Variants in CDH4 observed in about 807,000 individuals in gnomAD.
The protein encoded by CDH4 is cadherin 4, also known as cadherin-4.
CDH4 carries 33 observed loss-of-function variants against 86.0 expected under a neutral mutation model. The observed-to-expected ratio is 0.38, with a 90% CI of 0.29 to 0.51. The LOEUF is 0.51. CDH4 is among the 20% of genes least tolerant of loss of function. The probability of loss-of-function intolerance (pLI) is 0.86; values close to 1 mark genes in which losing one functional copy is unlikely to be tolerated. For missense variants in CDH4, 1,114 were observed against 1,307.4 expected, an observed-to-expected ratio of 0.85 and a Z score of 2.28; for synonymous variants, 555 against 549.4, an observed-to-expected ratio of 1.01 and a Z score of -0.14.
intron 2 of CDH4, among the ~76,000 whole-genome samples, chr20:61,690,647 G>A (rs894270789): frequency 6.6e-6 from 1 of 152,142 alleles, no homozygotes; most frequent in Non-Finnish European, 1.5e-5. Flanking sequence ...AGGACGGGGG[G>A]AGTTTCTCCA....
At position 61,937,648 on chromosome 20, in the gene CDH4, C is replaced by A. The variant is rs1309302546; in HGVS notation, c.*705C>A. The stretch of plus-strand genomic sequence containing the variant: ...TACCTTGTGGCTGCTCCCCACCCCT[C>A]CCGGATGCTGTGAGGAGCTCAGGCA... On this transcript the variant is annotated 3_prime_UTR_variant, in exon 16 of 16. Coordinates refer to ENST00000614565, the MANE Select transcript of CDH4 (RefSeq NM_001794.5). 1.4e-5 allele frequency: 2 copies of A among 147,254 alleles called. No homozygotes were observed. Among genetic ancestry groups the A allele is most frequent in the Admixed American group, 6.8e-5 (1 of 14,752 alleles). The allele number at this position is 147,254 out of a possible 1,614,324, so 9.1% of individuals were successfully genotyped here.
intron 2 of CDH4, among the ~76,000 whole-genome samples, chr20:61,555,347 G>T (rs2086169649): frequency 6.6e-6 from 1 of 152,210 alleles, no homozygotes; most frequent in Non-Finnish European, 1.5e-5. Flanking sequence ...GCTGGCATCA[G>T]CCTTGCTTTC....
chr20:61,272,617 G>A (rs756464463), intron 2 of CDH4, among the ~76,000 whole-genome samples: 3 of 152,192 alleles, frequency 2.0e-5, no homozygotes, highest in Non-Finnish European at 4.4e-5. Context: ...CACCCTCAGA[G>A]GTGATAAATG....
intron 2 of CDH4, among the ~76,000 whole-genome samples, chr20:61,678,312 CGGAT>C (rs780719504): frequency 2.3e-4 from 35 of 150,956 alleles, no homozygotes; most frequent in African/African-American, 6.4e-4. Flanking sequence ...GATGGATGGA[CGGAT>C]GGATGGATGG....
intron 2 of CDH4, among the ~76,000 whole-genome samples, chr20:61,447,167 TTGTTTTTGAGACGGAGTCTCACTC>T (rs1364963077): frequency 1.3e-5 from 2 of 152,244 alleles, no homozygotes; most frequent in African/African-American, 4.8e-5. Context: ...GTTTGCTTGT[TTGTTTTTGAGACGGAGTCTCACTC>T]TGTCACTCAG....
chr20:61,336,740 T>A (rs1243030593), intron 2 of CDH4, among the ~76,000 whole-genome samples: 1 of 152,174 alleles, frequency 6.6e-6, no homozygotes, highest in Non-Finnish European at 1.5e-5. Flanking sequence ...TCATTGAGAA[T>A]CAGTTGAAGG....
chr20:61,858,002 TG>T (rs1034721413), intron 6 of CDH4, among the ~76,000 whole-genome samples: 22 of 152,126 alleles, frequency 1.4e-4, no homozygotes, highest in Admixed American at 3.3e-4. Context: ...TGTCTCTGTG[TG>T]TCTCTGTGTC....
chr20:61,322,799 C>G (rs1384138104), intron 2 of CDH4, among the ~76,000 whole-genome samples: 3 of 152,186 alleles, frequency 2.0e-5, no homozygotes, highest in African/African-American at 4.8e-5. Context: ...GGGGTGGGGG[C>G]CCCTGGTTCA....
At chr20:61,275,063 G>A (rs1600825176) in intron 2 of CDH4, among the ~76,000 whole-genome samples, 5 of 128,944 alleles carry the variant, frequency 3.9e-5, no homozygotes, top group South Asian at 2.6e-4. Flanking sequence ...ACCGTGTGCA[G>A]TTTGGGGGAG....
At chr20:61,545,406 C>T (rs1293044168) in intron 2 of CDH4, among the ~76,000 whole-genome samples, 2 of 152,198 alleles carry the variant, frequency 1.3e-5, no homozygotes, top group Non-Finnish European at 2.9e-5. Context: ...GCTTTTCCTT[C>T]AGGTCATGGC....
At chr20:61,812,101 T>C (rs1351154963) in intron 4 of CDH4, among the ~76,000 whole-genome samples, 1 of 152,124 alleles carries the variant, frequency 6.6e-6, no homozygotes, top group Non-Finnish European at 1.5e-5. Flanking sequence ...CGTGCCTTAG[T>C]TCATCTGCTT....
chr20:61,478,157 C>G (rs531020235), intron 2 of CDH4, among the ~76,000 whole-genome samples: 43 of 152,248 alleles, frequency 2.8e-4, no homozygotes, highest in Non-Finnish European at 5.3e-4. Flanking sequence ...AGACAGGACT[C>G]CCCTAAAGGG....
chr20:61,435,397 T>A (rs2085275121), intron 2 of CDH4, among the ~76,000 whole-genome samples: 1 of 152,240 alleles, frequency 6.6e-6, no homozygotes, highest in South Asian at 2.1e-4. Context: ...CTGAGACTCA[T>A]AGCTGGGGCT....
chr20:61,752,464 A>G (rs2088510852), intron 3 of CDH4, among the ~76,000 whole-genome samples: 1 of 152,202 alleles, frequency 6.6e-6, no homozygotes, highest in Admixed American at 6.5e-5. Flanking sequence ...TGGTACAAAC[A>G]CTTTAGACAG....
At position 61,383,103 on chromosome 20, in the gene CDH4, ATAT is replaced by A. The variant is rs2084914250; in HGVS notation, c.169+128170_169+128172del. ...TATATATATGAATATATATATGAAT[ATAT>A]TATATATAGAATATATATGAATATA... On this transcript the variant is annotated intron_variant, in intron 2 of 15. Transcript: ENST00000614565. Among the ~76,000 whole-genome samples, 2 of 116,570 alleles carry A rather than the reference ATAT, an allele frequency of 1.7e-5. 1 individual carries two copies. The highest frequency in any genetic ancestry group is 3.4e-5 in the Non-Finnish European group (2 of 58,516). 76.5% of individuals were successfully genotyped at this position (116,570 alleles called of 152,430 possible).
intron 2 of CDH4, among the ~76,000 whole-genome samples, chr20:61,282,448 TA>T (rs1280478888): frequency 1.3e-5 from 2 of 152,222 alleles, no homozygotes; most frequent in African/African-American, 4.8e-5. Context: ...AAATTATTGT[TA>T]AAGACTTTAG....
chr20:61,468,621 C>T (rs2085486380), intron 2 of CDH4, among the ~76,000 whole-genome samples: 1 of 152,126 alleles, frequency 6.6e-6, no homozygotes, highest in South Asian at 2.1e-4. Context: ...CCCTGCTGTG[C>T]TATGAAATAG....
chr20:61,889,298 ATGG>A, intron 7 of CDH4, among the ~76,000 whole-genome samples: 1 of 8,268 alleles, frequency 1.2e-4, no homozygotes, highest in African/African-American at 3.2e-4. Flanking sequence ...TAAAGCATGG[ATGG>A]ATGGATGGAT....
chr20:61,742,941 G>C (rs1163613457), intron 2 of CDH4, among the ~76,000 whole-genome samples: 1 of 152,138 alleles, frequency 6.6e-6, no homozygotes. Flanking sequence ...TGGGGCCAGG[G>C]TCTGCCCTGG....
Sources: gnomAD v4.1 joint callset for allele counts (sites outside exome capture counted in the v4.1 genomes callset) on GRCh38, gnomAD v4.1.1 for gene constraint, MANE v1.5 for transcripts, NCBI Gene and HGNC (gene_info 2026-07-23, HGNC 2026-07-21) for gene names.